KLHL1: variants seen among roughly 807,000 people sequenced by gnomAD.
KLHL1 encodes kelch like family member 1.
Under a neutral mutation model 77.7 loss-of-function variants are expected in KLHL1, and 47 were observed. That is an observed-to-expected ratio of 0.60 (90% CI 0.48 to 0.77). The LOEUF (loss-of-function observed/expected upper bound fraction) is 0.77, where lower values mean the gene tolerates loss of function less well. KLHL1 is among the 30% of genes least tolerant of loss of function. The probability of loss-of-function intolerance (pLI) is 0.00; values close to 1 mark genes in which losing one functional copy is unlikely to be tolerated. For missense variants in KLHL1, 925 were observed against 910.8 expected (o/e 1.02, Z -0.20); for synonymous variants, 360 against 325.2 (o/e 1.11, Z -1.15).
chr13:70,100,412 T>C (rs1362992326), intron 1 of KLHL1, among the ~76,000 whole-genome samples: 3 of 152,184 alleles, frequency 2.0e-5, no homozygotes, highest in African/African-American at 7.2e-5. Flanking sequence ...TTTTTGTCGA[T>C]TTCATCAATT....
At chr13:69,936,846 C>T (rs1412952065) in intron 4 of KLHL1, among the ~76,000 whole-genome samples, 3 of 152,036 alleles carry the variant, frequency 2.0e-5, no homozygotes, top group Non-Finnish European at 4.4e-5. Flanking sequence ...CCTCAAGAAC[C>T]TCCAGAGGCC....
intron 6 of KLHL1, among the ~76,000 whole-genome samples, chr13:69,838,531 A>G (rs1040393742): frequency 2.6e-5 from 4 of 151,842 alleles, no homozygotes; most frequent in Non-Finnish European, 4.4e-5. Context: ...TATAAATTAT[A>G]ACTTTCACCA....
intron 7 of KLHL1, among the ~76,000 whole-genome samples, chr13:69,780,855 TC>T (rs201071800): frequency 0.011 from 1,688 of 151,022 alleles, 31 homozygotes; most frequent in African/African-American, 0.038. Flanking sequence ...ACATCACATT[TC>T]CCCCATGTGG....
At chr13:69,753,059 C>T (rs1874555642) in intron 7 of KLHL1, among the ~76,000 whole-genome samples, 1 of 152,056 alleles carries the variant, frequency 6.6e-6, no homozygotes, top group South Asian at 2.1e-4. Context: ...AAGTGTGTTG[C>T]AGTCTGAGAT....
At chr13:69,765,447 A>T (rs1875254379) in intron 7 of KLHL1, among the ~76,000 whole-genome samples, 1 of 152,166 alleles carries the variant, frequency 6.6e-6, no homozygotes, top group African/African-American at 2.4e-5. Flanking sequence ...AATTTCAGGT[A>T]AGATAATGAG....
At chr13:70,024,321 T>C (rs898687888) in intron 1 of KLHL1, among the ~76,000 whole-genome samples, 7 of 151,900 alleles carry the variant, frequency 4.6e-5, no homozygotes, top group African/African-American at 1.7e-4. Flanking sequence ...ATTTTCATGA[T>C]AACCATAACA....
intron 1 of KLHL1, among the ~76,000 whole-genome samples, chr13:70,033,376 G>A (rs865976623): frequency 1.2e-4 from 18 of 151,858 alleles, no homozygotes; most frequent in African/African-American, 4.1e-4. Context: ...TGTAAGCTCC[G>A]CCTCCCGGGT....
chr13:69,826,566 G>A (rs1208182943), intron 6 of KLHL1, among the ~76,000 whole-genome samples: 2 of 151,084 alleles, frequency 1.3e-5, no homozygotes, highest in African/African-American at 4.9e-5. Flanking sequence ...GGCAACAAGA[G>A]CAAAACTGTC....
intron 7 of KLHL1, among the ~76,000 whole-genome samples, chr13:69,741,079 T>C (rs1424302): frequency 0.36 from 55,048 of 151,986 alleles, 10,451 homozygotes; most frequent in African/African-American, 0.47. Context: ...TGTGCTTTGG[T>C]TTCCCAAAAA....
At chr13:69,949,473 C>G (rs1241249197) in intron 3 of KLHL1, among the ~76,000 whole-genome samples, 1 of 151,796 alleles carries the variant, frequency 6.6e-6, no homozygotes, top group Non-Finnish European at 1.5e-5. Context: ...ATCAACGTGA[C>G]TTATCACTGG....
At chr13:69,797,159 T>C (rs1299876869) in intron 6 of KLHL1, among the ~76,000 whole-genome samples, 197 bp from the exon 7 acceptor site, 1 of 152,200 alleles carries the variant, frequency 6.6e-6, no homozygotes, top group East Asian at 1.9e-4. Flanking sequence ...ATGATCAAAA[T>C]AGACACAAAT....
chr13:69,987,039 C>A (rs1884890857), intron 1 of KLHL1, among the ~76,000 whole-genome samples: 1 of 151,696 alleles, frequency 6.6e-6, no homozygotes, highest in Non-Finnish European at 1.5e-5. Context: ...ACATATATAG[C>A]TGTACACCAA....
chr13:69,879,253 A>C lies in KLHL1; in HGVS notation c.1227+3030T>G, dbSNP rs1880889032. Among the ~76,000 whole-genome samples, 3 of 152,140 alleles carry C rather than the reference A, an allele frequency of 2.0e-5. No homozygotes were observed. In the South Asian group the frequency reaches 6.2e-4, roughly 31 times the overall value. ...TTATGTGATTACTTCAGTAGTATAT[A>C]ATACTTTGATTCATGGTACTTTTAA... On this transcript the variant is annotated intron_variant, in intron 5 of 10. Coordinates refer to ENST00000377844, the MANE Select transcript of KLHL1 (RefSeq NM_020866.3).
intron 4 of KLHL1, among the ~76,000 whole-genome samples, chr13:69,884,946 T>A (rs1321790988): frequency 7.5e-6 from 1 of 133,348 alleles, no homozygotes; most frequent in African/African-American, 3.4e-5. Context: ...TTTTTTTTTT[T>A]TTTTTGAGAC....
chr13:70,045,339 T>C (rs1886468640), intron 1 of KLHL1, among the ~76,000 whole-genome samples: 1 of 152,156 alleles, frequency 6.6e-6, no homozygotes. Context: ...AGTTTCTCAA[T>C]TGCAAGCATA....
intron 6 of KLHL1, among the ~76,000 whole-genome samples, chr13:69,833,770 T>TATATATATATATAC (rs1566304585): frequency 5.0e-5 from 7 of 140,792 alleles, no homozygotes; most frequent in South Asian, 2.1e-4. Flanking sequence ...TATATATACA[T>TATATATATATATAC]ACATACATAC....
At chr13:69,840,757 GT>G (rs1879225177) in intron 5 of KLHL1, among the ~76,000 whole-genome samples, 1 of 149,434 alleles carries the variant, frequency 6.7e-6, no homozygotes, top group Non-Finnish European at 1.5e-5. Context: ...CCAATGGAAA[GT>G]TTTGAAAGGA....
At chr13:69,901,723 G>A (rs7337000) in intron 4 of KLHL1, among the ~76,000 whole-genome samples, 2,559 of 151,822 alleles carry the variant, frequency 0.017, 63 homozygotes, top group African/African-American at 0.058. Context: ...TGCAGTAATG[G>A]AAAAGTTTAG....
At position 69,838,715 on chromosome 13, in the gene KLHL1, C is replaced by T. The variant is rs141778406; in HGVS notation, c.1414+261G>A. Among the ~76,000 whole-genome samples the T allele has an allele frequency of 4.6e-5, 7 of 151,912 alleles. No individual in the cohort carries two copies. The East Asian group carries it at 1.4e-3, about 29-fold the overall frequency. ...TCAATATATCCAACAAATTGTTTGG[C>T]TTGTGTTAAGTGATTCAAATCTCTT... On this transcript the variant is annotated intron_variant, in intron 6 of 10. Coordinates refer to ENST00000377844, the MANE Select transcript of KLHL1 (RefSeq NM_020866.3).
Sources: allele counts gnomAD v4.1 joint callset (sites outside exome capture counted in the v4.1 genomes callset), GRCh38; gene constraint gnomAD v4.1.1; transcripts MANE v1.5; gene names NCBI Gene and HGNC (gene_info 2026-07-23, HGNC 2026-07-21).